LPXN: variants seen among roughly 807,000 people sequenced by gnomAD.
LPXN encodes leupaxin.
LPXN carries 28 observed loss-of-function variants against 45.6 expected under a neutral mutation model. The ratio of observed to expected loss-of-function variants is 0.61; its 90% CI spans 0.45 to 0.84. LPXN has a LOEUF of 0.84. Ranked by LOEUF, LPXN falls within the 40% of genes least tolerant of loss-of-function variation. The pLI is 0.00. For missense variants in LPXN, 459 were observed against 475.0 expected (o/e 0.97, Z 0.31); for synonymous variants, 166 against 169.9 (o/e 0.98, Z 0.18).
At chr11:58,542,886 A>G (rs1422321197) in intron 7 of LPXN, among the ~76,000 whole-genome samples, 1 of 152,200 alleles carries the variant, frequency 6.6e-6, no homozygotes, top group Non-Finnish European at 1.5e-5. Flanking sequence ...TAGGGTAATA[A>G]GTTAAAAACA....
At chr11:58,540,288 CTAA>C (rs1429526572) in intron 7 of LPXN, among the ~76,000 whole-genome samples, 1 of 151,988 alleles carries the variant, frequency 6.6e-6, no homozygotes, top group Non-Finnish European at 1.5e-5. Context: ...AAAGAGAGGA[CTAA>C]TAATAGAATT....
At chr11:58,560,903 C>T (rs906380353) in intron 3 of LPXN, among the ~76,000 whole-genome samples, 1 of 152,060 alleles carries the variant, frequency 6.6e-6, no homozygotes, top group Non-Finnish European at 1.5e-5. Context: ...TTGCTGGACA[C>T]CTAGATTGTT....
rs61889504 is a variant in LPXN at position 58,542,350 on chromosome 11, C to T, written c.742+7436G>A. On this transcript the variant is annotated intron_variant, in intron 7 of 8. Transcript: ENST00000395074. ...CAGTGTTAAATAAATATACTCAATA[C>T]TGGAAGATATATGGAATGATCCATA... is the stretch of plus-strand genomic sequence containing the variant. Among the ~76,000 whole-genome samples, 578 of 151,896 alleles carry T rather than the reference C, an allele frequency of 3.8e-3. 1 individual carries two copies. Among genetic ancestry groups the T allele is most frequent in the South Asian group, 5.4e-3 (26 of 4,816 alleles).
At chr11:58,551,895 A>G (rs2515360) in intron 4 of LPXN, among the ~76,000 whole-genome samples, 145,599 of 152,230 alleles carry the variant, frequency 0.96, 69,792 homozygotes, top group Middle Eastern at 0.99. Context: ...ATTCTAGGGG[A>G]AGGGAAGGCC....
intron 3 of LPXN, among the ~76,000 whole-genome samples, chr11:58,555,979 A>C (rs1182420457): frequency 6.6e-6 from 1 of 152,120 alleles, no homozygotes; most frequent in Non-Finnish European, 1.5e-5. Flanking sequence ...AAGAAATAAA[A>C]CAAAAACTGA....
intron 7 of LPXN, among the ~76,000 whole-genome samples, chr11:58,538,022 G>A (rs947426877): frequency 4.0e-5 from 6 of 149,042 alleles, no homozygotes; most frequent in South Asian, 2.1e-4. Context: ...AACATGTGGC[G>A]TTTGGTTTTT....
At chr11:58,533,425 T>A (rs1853456176) in intron 7 of LPXN, among the ~76,000 whole-genome samples, 1 of 152,128 alleles carries the variant, frequency 6.6e-6, no homozygotes, top group Non-Finnish European at 1.5e-5. Flanking sequence ...CAAACTAAGC[T>A]TCGTAAACAA....
rs534236614 is a variant in LPXN, at chr11:58,538,742, G to A, written c.743-10551C>T. 6.6e-5 allele frequency among the ~76,000 whole-genome samples: 10 copies of A among 151,866 alleles called. No individual in the cohort carries two copies. In the South Asian group the frequency reaches 1.0e-3, roughly 16 times the overall value. ...TGTGTATATCAAAATATCATGTTGT[G>A]TACCTTAAAATATACAATAAAATAA... On this transcript the variant is annotated intron_variant, in intron 7 of 8. Coordinates refer to ENST00000395074, the MANE Select transcript of LPXN (RefSeq NM_004811.3).
At position 58,527,405 on chromosome 11, in the gene LPXN, T is replaced by G; in HGVS notation, c.*49A>C. 1 of 1,595,308 alleles carries G rather than the reference T, an allele frequency of 6.3e-7. No individual in the cohort carries two copies. On this transcript the variant is annotated 3_prime_UTR_variant, in exon 9 of 9. Coordinates refer to ENST00000395074, the MANE Select transcript of LPXN (RefSeq NM_004811.3). ...AAAATTTACCCTTTCCTCTCCTCTC[T>G]TGGTTTAAATTTTATAAGGAATCTG...
intron 3 of LPXN, among the ~76,000 whole-genome samples, chr11:58,559,587 T>G (rs575802042): frequency 6.6e-6 from 1 of 152,294 alleles, no homozygotes; most frequent in Non-Finnish European, 1.5e-5. Flanking sequence ...ACGAAAATTA[T>G]ACTTCCAGCC....
rs367838060 is a variant in LPXN at position 58,546,123 on chromosome 11, A to C, written c.742+3663T>G. ...ATGCCACCAGATGAGATATTAACTA[A>C]ATTTTCAAGAATTTAAAGTAGATTT... On this transcript the variant is annotated intron_variant, in intron 7 of 8. Coordinates refer to ENST00000395074, the MANE Select transcript of LPXN (RefSeq NM_004811.3). 2.6e-5 allele frequency among the ~76,000 whole-genome samples: 4 copies of C among 152,176 alleles called. No homozygotes were observed. In the South Asian group the frequency reaches 8.3e-4, roughly 31 times the overall value.
intron 7 of LPXN, among the ~76,000 whole-genome samples, chr11:58,547,054 C>T (rs916214287): frequency 7.9e-5 from 12 of 151,890 alleles, no homozygotes; most frequent in African/African-American, 1.5e-4. Flanking sequence ...GATATGTGTG[C>T]CTTGGCATTA....
chr11:58,577,558 G>A (rs1246898148), upstream of LPXN, among the ~76,000 whole-genome samples: 1 of 152,158 alleles, frequency 6.6e-6, no homozygotes, highest in African/African-American at 2.4e-5. Context: ...GATTGTAATG[G>A]ATGAAAAGAA....
intron 3 of LPXN, among the ~76,000 whole-genome samples, chr11:58,559,486 C>T (rs1447094002): frequency 6.6e-6 from 1 of 152,136 alleles, no homozygotes; most frequent in Admixed American, 6.5e-5. Flanking sequence ...TATAGAATAA[C>T]ATGCAACTGC....
chr11:58,546,124 A>C (rs1853869719), intron 7 of LPXN, among the ~76,000 whole-genome samples: 2 of 152,142 alleles, frequency 1.3e-5, no homozygotes, highest in Non-Finnish European at 2.9e-5. Context: ...TATTAACTAA[A>C]TTTTCAAGAA....
rs762685567 is a variant in LPXN at position 58,528,111 on chromosome 11, G to A, written c.823C>T (p.Arg275Cys). The A allele has an allele frequency of 6.8e-6, 11 of 1,614,168 alleles. No individual in the cohort carries two copies. Among genetic ancestry groups the A allele is most frequent in the South Asian group, 3.3e-5 (3 of 91,086 alleles). The stretch of plus-strand genomic sequence containing the variant: ...GAAAGGTAGTTTTCCAACACTGGGC[G>A]ATTGCAGCCACCACACTTGGGTGAG... The part of the protein sequence containing the change: ...MFSPKCGGCN[R>C]PVLENYLSAM... Residue 275 changes from arginine (R) to cysteine (C), a missense_variant, in exon 8 of 9, where the codon CGC (arginine) becomes TGC (cysteine). Coordinates refer to ENST00000395074, the MANE Select transcript of LPXN (RefSeq NM_004811.3).
At chr11:58,543,938 A>T (rs1380284167) in intron 7 of LPXN, among the ~76,000 whole-genome samples, 1 of 152,156 alleles carries the variant, frequency 6.6e-6, no homozygotes, top group Non-Finnish European at 1.5e-5. Flanking sequence ...TGGGAACCAA[A>T]CCATATAGCT....
At chr11:58,578,682 G>A (rs1038161236), upstream of LPXN, among the ~76,000 whole-genome samples, 1 of 152,158 alleles carries the variant, frequency 6.6e-6, no homozygotes, top group Non-Finnish European at 1.5e-5. Context: ...AAGAAGAATA[G>A]AAAGAGCCCT....
At chr11:58,573,924 G>A (rs541663040) in intron 1 of LPXN, among the ~76,000 whole-genome samples, 5 of 152,202 alleles carry the variant, frequency 3.3e-5, no homozygotes, top group African/African-American at 1.2e-4. Flanking sequence ...TAATGCCTAC[G>A]TAATGAGGGT....
Sources: allele counts gnomAD v4.1 joint callset (sites outside exome capture counted in the v4.1 genomes callset), GRCh38; gene constraint gnomAD v4.1.1; transcripts MANE v1.5; gene names NCBI Gene and HGNC (gene_info 2026-07-23, HGNC 2026-07-21).